The following TAF1 variants were observed in gnomAD, a reference collection of about 807,000 sequenced individuals.
TAF1 encodes TATA-box binding protein associated factor 1.
In TAF1, 2 loss-of-function variants were observed where a neutral mutation model predicts 138.5. That is an observed-to-expected ratio of 0.01 (90% CI 0.01 to 0.05). The LOEUF (loss-of-function observed/expected upper bound fraction) is 0.05. Ranked by LOEUF, TAF1 falls within the 10% of genes least tolerant of loss-of-function variation. TAF1 has a pLI of 1.00. For missense variants in TAF1, 709 were observed against 1,478.0 expected (o/e 0.48, Z 8.53); for synonymous variants, 437 against 503.2 (o/e 0.87, Z 1.76).
intron 32 of TAF1, among the ~76,000 whole-genome samples, chrX:71,432,552 T>A (rs1460032404): frequency 9.2e-6 from 1 of 109,153 alleles, no homozygotes; most frequent in Non-Finnish European, 1.9e-5. Flanking sequence ...TTTTTGTCAG[T>A]GCTCATCAAA....
chrX:71,499,884 T>C (rs965743702), intron 13 of TAF1, among the ~76,000 whole-genome samples: 4 of 112,164 alleles, frequency 3.6e-5, no homozygotes, highest in African/African-American at 6.5e-5. Context: ...AGGTTTGCCC[T>C]AGACCCTGTA....
intron 32 of TAF1, among the ~76,000 whole-genome samples, chrX:71,437,290 T>C (rs1372085620): frequency 1.8e-5 from 2 of 111,672 alleles, no homozygotes; most frequent in African/African-American, 6.5e-5. Flanking sequence ...AGGTTAAATA[T>C]AATGCTTAAA....
At chrX:71,388,501 C>T in intron 16 of TAF1, 123 bp downstream of exon 16, 3 of 1,023,748 alleles carry the variant, frequency 2.9e-6, no homozygotes, top group Middle Eastern at 2.6e-4. Flanking sequence ...AAGGAGGTAG[C>T]AGATCTTCTA....
chrX:71,373,313 C>T (rs997942424), intron 3 of TAF1, among the ~76,000 whole-genome samples: 2 of 109,580 alleles, frequency 1.8e-5, no homozygotes, highest in African/African-American at 3.3e-5. Flanking sequence ...GACTACAGGC[C>T]CGTGCCACCT....
intron 12 of TAF1, among the ~76,000 whole-genome samples, chrX:71,383,504 C>T (rs1023713395): frequency 8.9e-6 from 1 of 112,073 alleles, no homozygotes; most frequent in Admixed American, 9.6e-5. Flanking sequence ...GGTTCTAGGA[C>T]CTTCTCTGGA....
At position 71,375,229 on chromosome X, in the gene TAF1, C is replaced by T. The variant is rs1253304134; in HGVS notation, c.415C>T (p.Pro139Ser). 1.7e-6 allele frequency: 2 copies of T among 1,210,933 alleles called. No homozygotes were observed. Among genetic ancestry groups the T allele is most frequent in the Non-Finnish European group, 2.2e-6 (2 of 895,316 alleles). The change falls in exon 4 of 38, where the codon CCA (proline) becomes TCA (serine). Residue 139 changes from proline (P) to serine (S), a missense_variant. By Grantham distance (74) the Pro-to-Ser change is moderately conservative. This residue lies in a region of TAF1 where 123 missense variants were observed against 161.6 expected (regional missense o/e 0.76). Coordinates refer to ENST00000423759, the MANE Select transcript of TAF1 (RefSeq NM_004606.5). ...EDIDCKLMPP[P>S]PPPPGPMKKD... ...CATTGATTGCAAGTTGATGCCTCCT[C>T]CACCTCCACCCCCGGGACCAATGAA... is the stretch of plus-strand genomic sequence containing the variant.
intron 13 of TAF1, among the ~76,000 whole-genome samples, chrX:71,507,852 GATATAA>G (rs1294241458): frequency 9.1e-6 from 1 of 109,802 alleles, no homozygotes; most frequent in African/African-American, 3.3e-5. Flanking sequence ...GCATTGAGGT[GATATAA>G]ATAGATATAG....
intron 32 of TAF1, among the ~76,000 whole-genome samples, chrX:71,448,820 CT>C (rs760089481): frequency 0.062 from 5,762 of 92,210 alleles, 396 homozygotes; most frequent in African/African-American, 0.21. Context: ...TTTTCTTTTT[CT>C]TTTTTTTTTT....
In TAF1 at chrX:71,391,812, A is replaced by C. The variant is rs28382177; in HGVS notation, c.2782-757A>C. ...TGGCTAATTTTTGTACTTTTAGTAG[A>C]GATGGGGTTTCACCATGTTGGCCAG... On this transcript the variant is annotated intron_variant, in intron 18 of 37. Transcript: ENST00000423759. 1.4e-3 allele frequency among the ~76,000 whole-genome samples: 155 copies of C among 109,415 alleles called. 1 individual carries two copies. The highest frequency in any genetic ancestry group is 5.0e-3 in the African/African-American group (149 of 30,025).
chrX:71,422,315 T>C (rs1416576111), intron 29 of TAF1, among the ~76,000 whole-genome samples: 1 of 108,049 alleles, frequency 9.3e-6, no homozygotes, highest in Non-Finnish European at 1.9e-5. Context: ...TTGACCCTTT[T>C]ACTGGAATTT....
intron 25 of TAF1, among the ~76,000 whole-genome samples, chrX:71,404,826 T>C (rs1194222463): frequency 5.4e-5 from 6 of 110,964 alleles, no homozygotes; most frequent in African/African-American, 9.8e-5. Context: ...ATGTACAAAA[T>C]AGTTTCAGAA....
At chrX:71,495,717 G>A in intron 13 of TAF1, among the ~76,000 whole-genome samples, 1 of 111,396 alleles carries the variant, frequency 9.0e-6, no homozygotes, top group Non-Finnish European at 1.9e-5. Context: ...GTGGTAGTAG[G>A]ATAATGAAGT....
chrX:71,517,642 G>A (rs1479572349), intron 13 of TAF1, among the ~76,000 whole-genome samples: 1 of 112,053 alleles, frequency 8.9e-6, no homozygotes, highest in African/African-American at 3.2e-5. Context: ...TCTGGAAGAA[G>A]ACCTTTAGCC....
At chrX:71,459,095 AACTCC>A (rs761301762) in intron 35 of TAF1, 3 of 934,791 alleles carry the variant, frequency 3.2e-6, no homozygotes, top group Non-Finnish European at 4.3e-6. Flanking sequence ...GCCCTTGGTT[AACTCC>A]TCCTACAGGC....
chrX:71,418,406 A>G (rs2036142564), intron 28 of TAF1, among the ~76,000 whole-genome samples: 1 of 112,793 alleles, frequency 8.9e-6, no homozygotes, highest in South Asian at 3.6e-4. Flanking sequence ...CTAAGCCAAT[A>G]AGTCTCATAG....
chrX:71,482,819 A>C (rs2039094563), intron 13 of TAF1, among the ~76,000 whole-genome samples: 1 of 112,496 alleles, frequency 8.9e-6, no homozygotes, highest in African/African-American at 3.2e-5. Context: ...GCTGTTTGAC[A>C]GCATTTTACC....
chrX:71,471,731 G>GCAGC (rs1424004537), intron 13 of TAF1, among the ~76,000 whole-genome samples: 1 of 111,515 alleles, frequency 9.0e-6, no homozygotes, highest in East Asian at 2.8e-4. Flanking sequence ...GCGGGCCTGA[G>GCAGC]CAGCCGCTCA....
chrX:71,524,677 T>A (rs1224751166), intron 13 of TAF1, among the ~76,000 whole-genome samples: 1 of 108,219 alleles, frequency 9.2e-6, no homozygotes, highest in Non-Finnish European at 1.9e-5. Context: ...GTGTGGTGGC[T>A]CACGCCTGTA....
At chrX:71,520,310 A>AT (rs2147633697) in intron 13 of TAF1, among the ~76,000 whole-genome samples, 1 of 109,110 alleles carries the variant, frequency 9.2e-6, no homozygotes, top group South Asian at 4.0e-4. Flanking sequence ...TGCCCGGCTA[A>AT]TTTTTTGTAA....
Sources: gnomAD v4.1 joint callset for allele counts (sites outside exome capture counted in the v4.1 genomes callset) on GRCh38, gnomAD v4.1.1 for gene constraint, gnomAD v4.1.1 regional missense constraint, MANE v1.5 for transcripts, NCBI Gene and HGNC (gene_info 2026-07-23, HGNC 2026-07-21) for gene names.